The following DIP2C variants were observed in gnomAD, a reference collection of about 807,000 sequenced individuals.
DIP2C encodes the protein disco-interacting protein 2 homolog C.
Under a neutral mutation model 192.4 loss-of-function variants are expected in DIP2C, and 33 were observed. The ratio of observed to expected loss-of-function variants is 0.17; its 90% CI spans 0.13 to 0.23. The LOEUF is 0.23. DIP2C is among the 10% of genes least tolerant of loss of function. The probability of loss-of-function intolerance (pLI) is 1.00; values close to 1 mark genes in which losing one functional copy is unlikely to be tolerated. For synonymous variants in DIP2C, 979 were observed against 864.1 expected, an observed-to-expected ratio of 1.13 and a Z score of -2.33; for missense variants, 1,537 against 2,110.1, an observed-to-expected ratio of 0.73 and a Z score of 5.32.
intron 5 of DIP2C, among the ~76,000 whole-genome samples, chr10:422,090 C>G (rs1214308584): frequency 6.6e-6 from 1 of 152,208 alleles, no homozygotes; most frequent in African/African-American, 2.4e-5. Context: ...CCGGGAGGGT[C>G]TGAGCCCGTG....
chr10:304,555 G>GCACACACA lies in DIP2C; in HGVS notation c.3986+5468_3986+5475dup, dbSNP rs56181109. On this transcript the variant is annotated intron_variant, in intron 32 of 36. Transcript: ENST00000280886. Reference sequence around the variant, plus strand: ...TACACATGTATGTATGCACACGAATGCACACACACACACACACACTTCCAC... The same window carrying GCACACACA: ...TACACATGTATGTATGCACACGAATGCACACACACACACACACACACACACACTTCCAC... 6.0e-4 allele frequency among the ~76,000 whole-genome samples: 90 copies of GCACACACA among 150,680 alleles called. 1 individual carries two copies. Among genetic ancestry groups the GCACACACA allele is most frequent in the African/African-American group, 2.2e-3 (89 of 41,138 alleles).
chr10:434,141 T>G (rs1005026879), intron 4 of DIP2C, among the ~76,000 whole-genome samples: 1 of 152,234 alleles, frequency 6.6e-6, no homozygotes, highest in Non-Finnish European at 1.5e-5. Context: ...CTGTCATTCA[T>G]TTCACTTACA....
At chr10:668,089 T>G (rs555173095) in intron 1 of DIP2C, 2 of 144,120 alleles carry the variant, frequency 1.4e-5, no homozygotes, top group South Asian at 4.4e-4. Context: ...ACACAACACA[T>G]GCAACTCACG....
Position 616,170 on chromosome 10 carries a change from C to T in DIP2C, c.85+73324G>A, listed in dbSNP as rs1853458804. Among the ~76,000 whole-genome samples the T allele has an allele frequency of 2.0e-5, 3 of 152,164 alleles. 1 individual carries two copies. The East Asian group carries it at 5.8e-4, about 29-fold the overall frequency. On this transcript the variant is annotated intron_variant, in intron 1 of 36. Coordinates refer to ENST00000280886, the MANE Select transcript of DIP2C (RefSeq NM_014974.3). ...AATTCTGTTCTCTTCACTCTGGGTT[C>T]CAAGTACTAAATTCCTCGATTTTAT...
Position 387,732 on chromosome 10 carries a change from G to A in DIP2C, c.1662+13C>T, listed in dbSNP as rs753973935. ...CCTTTGTGGACAGACACGGCCGGGG[G>A]GACCTCACTTACTGTCAGGATGCCA... On this transcript the variant is annotated intron_variant, in intron 14 of 36. Coordinates refer to ENST00000280886, the MANE Select transcript of DIP2C (RefSeq NM_014974.3). 1.8e-5 allele frequency: 29 copies of A among 1,613,868 alleles called. No individual in the cohort carries two copies. Among genetic ancestry groups the A allele is most frequent in the Non-Finnish European group, 2.2e-5 (26 of 1,179,952 alleles).
At chr10:337,077 G>GTT (rs1564574822) in intron 29 of DIP2C, among the ~76,000 whole-genome samples, 2 of 37,494 alleles carry the variant, frequency 5.3e-5, no homozygotes, top group Admixed American at 3.4e-4. Context: ...TGTGTGTTGT[G>GTT]GAGGCCTAGA....
chr10:368,597 C>A (rs1960581633), intron 18 of DIP2C, among the ~76,000 whole-genome samples: 1 of 152,212 alleles, frequency 6.6e-6, no homozygotes, highest in African/African-American at 2.4e-5. Flanking sequence ...TTCTGGAGTG[C>A]CTGGCCCTAG....
intron 1 of DIP2C, among the ~76,000 whole-genome samples, chr10:559,603 G>A (rs1228168895): frequency 1.3e-5 from 2 of 152,164 alleles, no homozygotes; most frequent in South Asian, 2.1e-4. Flanking sequence ...GGAATTCCAG[G>A]TCTCTGCCTT....
chr10:299,045 G>A (rs1325337128), intron 32 of DIP2C, among the ~76,000 whole-genome samples: 1 of 152,210 alleles, frequency 6.6e-6, no homozygotes, highest in African/African-American at 2.4e-5. Context: ...TTGCAAGAAT[G>A]AAAACAGTAT....
intron 2 of DIP2C, among the ~76,000 whole-genome samples, chr10:483,804 T>C (rs1043776915): frequency 6.6e-6 from 1 of 151,940 alleles, no homozygotes; most frequent in Non-Finnish European, 1.5e-5. Flanking sequence ...AGTTTGCCTC[T>C]ATGACTTCAT....
At chr10:597,448 G>GC (rs61682022) in intron 1 of DIP2C, among the ~76,000 whole-genome samples, 1 of 152,024 alleles carries the variant, frequency 6.6e-6, no homozygotes, top group Non-Finnish European at 1.5e-5. Context: ...ATATCCCAGT[G>GC]CCCCCCTACA....
At chr10:407,053 C>A (rs1010952780) in intron 9 of DIP2C, among the ~76,000 whole-genome samples, 1 of 152,316 alleles carries the variant, frequency 6.6e-6, no homozygotes, top group African/African-American at 2.4e-5. Context: ...TCTGAACGAT[C>A]CTCAAACACT....
chr10:686,253 TGGCCTCCTCACCTGCAG>T (rs1268822681), intron 1 of DIP2C, among the ~76,000 whole-genome samples: 50 of 151,694 alleles, frequency 3.3e-4, no homozygotes, highest in African/African-American at 1.2e-3. Context: ...CCCACCCTCA[TGGCCTCCTCACCTGCAG>T]GGCCTCCTCA....
chr10:688,499 G>T (rs1044284067), intron 1 of DIP2C, among the ~76,000 whole-genome samples: 1 of 152,032 alleles, frequency 6.6e-6, no homozygotes, highest in African/African-American at 2.4e-5. Context: ...TCACAAAACC[G>T]TTACCCAAAA....
chr10:415,891 G>C lies in DIP2C; in HGVS notation c.740-3C>G. On this transcript the variant is annotated splice_region_variant and splice_polypyrimidine_tract_variant and intron_variant, in intron 6 of 36. Coordinates refer to ENST00000280886, the MANE Select transcript of DIP2C (RefSeq NM_014974.3). ...CACCCGGCTACTTACTGGTACTCCTGAAAAACAGGAATCAGCGGGTGGGGA... is the reference window on the plus strand; with the variant it reads ...CACCCGGCTACTTACTGGTACTCCTCAAAAACAGGAATCAGCGGGTGGGGA... 2 of 1,613,638 alleles carry C rather than the reference G, an allele frequency of 1.2e-6. No individual in the cohort carries two copies.
chr10:425,470 CTAATGTGA>C (rs1966527756), intron 4 of DIP2C, among the ~76,000 whole-genome samples: 2 of 141,594 alleles, frequency 1.4e-5, no homozygotes, highest in Non-Finnish European at 3.0e-5. Context: ...CCAGTGGTGA[CTAATGTGA>C]AATGGATACA....
At position 329,415 on chromosome 10, in the gene DIP2C, G is replaced by A. The variant is rs1589498252; in HGVS notation, c.3753+18C>T. 6.2e-7 allele frequency: 1 copy of A among 1,606,946 alleles called. No individual in the cohort carries two copies. Among genetic ancestry groups the A allele is most frequent in the East Asian group, 2.2e-5 (1 of 44,650 alleles). Reference sequence around the variant, plus strand: ...CTGTGGGCTCACAGGGCACTGAGCTGCCAAGGGAGCTGCTTACCTTGAGGG... The same window carrying A: ...CTGTGGGCTCACAGGGCACTGAGCTACCAAGGGAGCTGCTTACCTTGAGGG... On this transcript the variant is annotated intron_variant, in intron 30 of 36. Coordinates refer to ENST00000280886, the MANE Select transcript of DIP2C (RefSeq NM_014974.3).
intron 1 of DIP2C, among the ~76,000 whole-genome samples, chr10:585,606 A>T (rs544826573): frequency 1.3e-5 from 2 of 152,258 alleles, no homozygotes; most frequent in South Asian, 4.2e-4. Context: ...TGGACACAGG[A>T]AGGTGGCTGA....
Position 618,621 on chromosome 10 carries a change from C to A in DIP2C, c.85+70873G>T, listed in dbSNP as rs138659520. 6.6e-4 allele frequency among the ~76,000 whole-genome samples: 100 copies of A among 152,320 alleles called. 1 individual carries two copies. The highest frequency in any genetic ancestry group is 2.3e-3 in the African/African-American group (95 of 41,586). On this transcript the variant is annotated intron_variant, in intron 1 of 36. Coordinates refer to ENST00000280886, the MANE Select transcript of DIP2C (RefSeq NM_014974.3). ...ACTACTAAATAATGATTTTTAGACT[C>A]TCATGACAGACTTTGTTTGCTTTTA...
Sources: gnomAD v4.1 joint callset for allele counts (sites outside exome capture counted in the v4.1 genomes callset) on GRCh38, gnomAD v4.1.1 for gene constraint, MANE v1.5 for transcripts, NCBI Gene and HGNC (gene_info 2026-07-23, HGNC 2026-07-21) for gene names.